The following DIAPH3 variants were observed in gnomAD, a reference collection of about 807,000 sequenced individuals.
DIAPH3 encodes the protein protein diaphanous homolog 3.
DIAPH3 carries 117 observed loss-of-function variants against 144.3 expected under a neutral mutation model. That is an observed-to-expected ratio of 0.81 (90% CI 0.70 to 0.95). The LOEUF (loss-of-function observed/expected upper bound fraction) is 0.95, where lower values mean the gene tolerates loss of function less well. DIAPH3 is among the 40% of genes least tolerant of loss of function. DIAPH3 has a pLI of 0.00. For missense variants in DIAPH3, 1,421 were observed against 1,412.7 expected (o/e 1.01, Z -0.09); for synonymous variants, 519 against 488.9 (o/e 1.06, Z -0.81).
At chr13:59,955,367 T>C (rs12431299) in intron 17 of DIAPH3, among the ~76,000 whole-genome samples, 36,314 of 151,934 alleles carry the variant, frequency 0.24, 5,378 homozygotes, top group Admixed American at 0.37. Flanking sequence ...TAAAGGGCAG[T>C]TCCCCTGCAC....
In DIAPH3 at chr13:59,782,453, G is replaced by C. The variant is rs1306288290; in HGVS notation, c.3164-7630C>G. Among the ~76,000 whole-genome samples, 4 of 152,172 alleles carry C rather than the reference G, an allele frequency of 2.6e-5. 1 individual carries two copies. Among genetic ancestry groups the C allele is most frequent in the Non-Finnish European group, 2.9e-5 (2 of 68,038 alleles). ...AAGAATTAAAAGTGATTGCCTCTGG[G>C]AAGTGGGAGGAGGTTGAGAGGAGTG... On this transcript the variant is annotated intron_variant, in intron 25 of 27. Coordinates refer to ENST00000400324, the MANE Select transcript of DIAPH3 (RefSeq NM_001042517.2).
intron 20 of DIAPH3, among the ~76,000 whole-genome samples, chr13:59,882,442 A>C (rs1397286867): frequency 3.9e-5 from 6 of 152,196 alleles, no homozygotes; most frequent in Non-Finnish European, 1.5e-5. Context: ...AATCAAATAA[A>C]AAGGGTTAAG....
rs897616002 is a variant in DIAPH3 at position 60,049,422 on chromosome 13, T to C, written c.496-6602A>G. On this transcript the variant is annotated intron_variant, in intron 4 of 27. Coordinates refer to ENST00000400324, the MANE Select transcript of DIAPH3 (RefSeq NM_001042517.2). The stretch of plus-strand genomic sequence containing the variant: ...ATTGAACTGTCCAACTTGAACAATT[T>C]GTTGCCTCAAGGATTCTGCATTCCC... Among the ~76,000 whole-genome samples, 10 of 152,322 alleles carry C rather than the reference T, an allele frequency of 6.6e-5. No individual in the cohort carries two copies. The East Asian group carries it at 1.7e-3, about 26-fold the overall frequency.
At chr13:60,079,126 T>G (rs973481340) in intron 4 of DIAPH3, among the ~76,000 whole-genome samples, 19 of 151,996 alleles carry the variant, frequency 1.3e-4, no homozygotes, top group African/African-American at 4.3e-4. Flanking sequence ...AAAAGTTAAC[T>G]GAGGGAAAAA....
chr13:59,874,226 T>G (rs185677131), intron 21 of DIAPH3, among the ~76,000 whole-genome samples: 9 of 152,256 alleles, frequency 5.9e-5, no homozygotes, highest in African/African-American at 2.2e-4. Flanking sequence ...TTAATTGAAC[T>G]GGTGTGGGGA....
chr13:59,863,673 T>C (rs548144563), intron 21 of DIAPH3, among the ~76,000 whole-genome samples: 2 of 152,212 alleles, frequency 1.3e-5, no homozygotes, highest in African/African-American at 4.8e-5. Flanking sequence ...CTACACAACA[T>C]GCAACTTATA....
intron 20 of DIAPH3, among the ~76,000 whole-genome samples, chr13:59,887,125 C>T (rs377038092): frequency 1.5e-4 from 23 of 151,904 alleles, no homozygotes; most frequent in Middle Eastern, 3.4e-3. Context: ...CTGTCAAATG[C>T]GTCTTATTTC....
rs574358738 is a variant in DIAPH3 at position 60,110,926 on chromosome 13, C to T, written c.390+1084G>A. Among the ~76,000 whole-genome samples, 60 of 152,284 alleles carry T rather than the reference C, an allele frequency of 3.9e-4. 1 individual carries two copies. The highest frequency in any genetic ancestry group is 1.4e-3 in the African/African-American group (58 of 41,580). On this transcript the variant is annotated intron_variant, in intron 3 of 27. Transcript: ENST00000400324. ...AAACTAACATAAACTATATTCAGTA[C>T]TTTCTAGGTAGTTGTACTTTTAACT...
intron 27 of DIAPH3, among the ~76,000 whole-genome samples, chr13:59,742,963 G>T (rs947382667): frequency 6.6e-6 from 1 of 152,152 alleles, no homozygotes; most frequent in African/African-American, 2.4e-5. Context: ...ATTCCTAGAA[G>T]GTGAAAGAAT....
intron 27 of DIAPH3, among the ~76,000 whole-genome samples, chr13:59,686,647 T>C (rs2033229514): frequency 6.6e-6 from 1 of 152,110 alleles, no homozygotes; most frequent in African/African-American, 2.4e-5. Context: ...TACTTTGTTG[T>C]AGCAAATATA....
chr13:59,934,236 A>C lies in DIAPH3; in HGVS notation c.2075-9366T>G, dbSNP rs80220030. Among the ~76,000 whole-genome samples the C allele has an allele frequency of 8.1e-3, 1,230 of 152,278 alleles. 40 individuals are homozygous for C. The East Asian group carries it at 0.11, about 13-fold the overall frequency. ...GGTGCTCCCTGGTTAAATGTATCTT[A>C]TGACAATAGGCACTTAAAATATTAA... On this transcript the variant is annotated intron_variant, in intron 17 of 27. Coordinates refer to ENST00000400324, the MANE Select transcript of DIAPH3 (RefSeq NM_001042517.2).
chr13:60,144,678 G>A (rs1951423187), intron 1 of DIAPH3: 1 of 152,232 alleles, frequency 6.6e-6, no homozygotes, highest in Non-Finnish European at 1.5e-5. Flanking sequence ...GGAATTATGA[G>A]GTTCTAGGCT....
At chr13:60,105,013 G>A (rs981236365) in intron 3 of DIAPH3, among the ~76,000 whole-genome samples, 7 of 147,428 alleles carry the variant, frequency 4.7e-5, no homozygotes, top group East Asian at 2.0e-4. Context: ...GGAGAACGGC[G>A]TGAACCCAGG....
intron 20 of DIAPH3, among the ~76,000 whole-genome samples, chr13:59,902,383 C>T (rs1251853555): frequency 6.6e-6 from 1 of 152,138 alleles, no homozygotes; most frequent in Admixed American, 6.5e-5. Flanking sequence ...TCCCCTACAC[C>T]TTCCACCATG....
intron 24 of DIAPH3, among the ~76,000 whole-genome samples, chr13:59,811,736 CAAAAAAAAAA>C (rs59712985): frequency 3.5e-5 from 2 of 56,766 alleles, no homozygotes; most frequent in African/African-American, 6.8e-5. Context: ...GACTCTGTCT[CAAAAAAAAAA>C]AAAAAAAAAA....
Position 60,102,424 on chromosome 13 carries a change from A to G in DIAPH3, c.391-8692T>C, listed in dbSNP as rs1174021169. 2.5e-4 allele frequency among the ~76,000 whole-genome samples: 38 copies of G among 152,054 alleles called. 1 individual carries two copies. The highest frequency in any genetic ancestry group is 2.4e-3 in the Admixed American group (36 of 15,278). The stretch of plus-strand genomic sequence containing the variant: ...TCACCGTGCATGGAACATAATGGTC[A>G]CTTTTTAAATATTTGCTAAATAAAG... On this transcript the variant is annotated intron_variant, in intron 3 of 27. Coordinates refer to ENST00000400324, the MANE Select transcript of DIAPH3 (RefSeq NM_001042517.2).
At chr13:59,926,864 T>G (rs2047776891) in intron 17 of DIAPH3, among the ~76,000 whole-genome samples, 1 of 152,204 alleles carries the variant, frequency 6.6e-6, no homozygotes, top group African/African-American at 2.4e-5. Context: ...CAGTGCAGTT[T>G]CAGATTGATA....
chr13:60,125,890 C>G (rs1366814191), intron 2 of DIAPH3, among the ~76,000 whole-genome samples: 1 of 151,868 alleles, frequency 6.6e-6, no homozygotes, highest in Non-Finnish European at 1.5e-5. Context: ...AGAAGAGATT[C>G]AAGAAATAAT....
At chr13:59,673,079 A>G (rs944027660) in intron 27 of DIAPH3, among the ~76,000 whole-genome samples, 7 of 152,220 alleles carry the variant, frequency 4.6e-5, no homozygotes, top group Admixed American at 2.6e-4. Flanking sequence ...AATTGAGTGT[A>G]GGGCTACAAG....
Sources: allele counts gnomAD v4.1 joint callset (sites outside exome capture counted in the v4.1 genomes callset), GRCh38; gene constraint gnomAD v4.1.1; transcripts MANE v1.5; gene names NCBI Gene and HGNC (gene_info 2026-07-23, HGNC 2026-07-21).